Variants in SGCZ observed in about 807,000 individuals in gnomAD.
SGCZ encodes the protein zeta-sarcoglycan.
Under a neutral mutation model 41.3 loss-of-function variants are expected in SGCZ, and 40 were observed. The ratio of observed to expected loss-of-function variants is 0.97; its 90% CI spans 0.75 to 1.26. SGCZ has a LOEUF of 1.26. Among genes scored for constraint, SGCZ ranks in the 50% most tolerant of loss-of-function variants. The pLI is 0.00. For synonymous variants in SGCZ, 206 were observed against 137.5 expected (o/e 1.50, Z -3.49); for missense variants, 552 against 369.8 (o/e 1.49, Z -4.04).
At chr8:14,931,791 G>A (rs963146026) in intron 1 of SGCZ, among the ~76,000 whole-genome samples, 5 of 151,882 alleles carry the variant, frequency 3.3e-5, no homozygotes, top group Non-Finnish European at 4.4e-5. Flanking sequence ...ATGGAAATTC[G>A]TCAGTCAGCC....
intron 6 of SGCZ, among the ~76,000 whole-genome samples, chr8:14,106,201 A>G (rs1802197200): frequency 6.6e-6 from 1 of 152,234 alleles, no homozygotes; most frequent in Non-Finnish European, 1.5e-5. Flanking sequence ...TACAGCATTA[A>G]GGATAAACAA....
At chr8:14,793,918 ACT>A (rs1189437325) in intron 1 of SGCZ, among the ~76,000 whole-genome samples, 1 of 152,060 alleles carries the variant, frequency 6.6e-6, no homozygotes, top group African/African-American at 2.4e-5. Context: ...AAATTCTAAA[ACT>A]CTCAGTCTGG....
intron 1 of SGCZ, among the ~76,000 whole-genome samples, chr8:15,180,253 A>G (rs1224514036): frequency 6.6e-6 from 1 of 152,180 alleles, no homozygotes; most frequent in Non-Finnish European, 1.5e-5. Context: ...AGTGCTTCAA[A>G]TGTGTAGAAA....
rs968254413 is a variant in SGCZ at position 14,520,778 on chromosome 8, T to C, written c.234+33954A>G. ...TTCAAAAGGAATCTTATGCTAATTG[T>C]CACCTTCTTTGAACATTATCATTTA... On this transcript the variant is annotated intron_variant, in intron 2 of 7. Transcript: ENST00000382080. Among the ~76,000 whole-genome samples the C allele has an allele frequency of 3.3e-5, 5 of 152,248 alleles. No individual in the cohort carries two copies. The East Asian group carries it at 9.7e-4, about 29-fold the overall frequency.
chr8:14,188,346 G>A (rs1212576800), intron 4 of SGCZ, among the ~76,000 whole-genome samples: 1 of 152,132 alleles, frequency 6.6e-6, no homozygotes. Flanking sequence ...GATCCGTACA[G>A]TAAAGTTTTA....
intron 1 of SGCZ, among the ~76,000 whole-genome samples, chr8:14,876,061 C>T (rs1804346449): frequency 6.6e-6 from 1 of 152,130 alleles, no homozygotes; most frequent in African/African-American, 2.4e-5. Context: ...CAACTATTCC[C>T]ATCCCCCTGT....
At chr8:14,929,436 T>G (rs1234967032) in intron 1 of SGCZ, among the ~76,000 whole-genome samples, 1 of 151,924 alleles carries the variant, frequency 6.6e-6, no homozygotes, top group Admixed American at 6.5e-5. Context: ...CACCCAGATA[T>G]GTTGTTAGGA....
chr8:14,151,128 T>C (rs1182084407), intron 5 of SGCZ, among the ~76,000 whole-genome samples: 1 of 152,118 alleles, frequency 6.6e-6, no homozygotes, highest in Non-Finnish European at 1.5e-5. Flanking sequence ...AGGGTGACTA[T>C]AGTCAATAAT....
chr8:14,577,142 T>A (rs77630781), intron 1 of SGCZ, among the ~76,000 whole-genome samples: 4,224 of 152,266 alleles, frequency 0.028, 197 homozygotes, highest in African/African-American at 0.096. Context: ...TGCATTTGCA[T>A]TTGAGAAATA....
At chr8:15,227,460 G>A (rs1424031470) in intron 1 of SGCZ, among the ~76,000 whole-genome samples, 11 of 152,038 alleles carry the variant, frequency 7.2e-5, no homozygotes, top group Non-Finnish European at 1.0e-4. Flanking sequence ...TGAATCACAC[G>A]TCTTATAATG....
chr8:15,236,216 T>C (rs1405925280), intron 1 of SGCZ, among the ~76,000 whole-genome samples: 1 of 152,040 alleles, frequency 6.6e-6, no homozygotes, highest in Non-Finnish European at 1.5e-5. Flanking sequence ...AGGGCGATTC[T>C]GGCAGGCGCC....
At chr8:14,965,370 A>C (rs910530445) in intron 1 of SGCZ, among the ~76,000 whole-genome samples, 6 of 152,172 alleles carry the variant, frequency 3.9e-5, no homozygotes, top group African/African-American at 1.4e-4. Flanking sequence ...TGACTGGTGC[A>C]TATTTGAGAA....
At chr8:15,210,674 C>T (rs1375903783) in intron 1 of SGCZ, among the ~76,000 whole-genome samples, 1 of 152,036 alleles carries the variant, frequency 6.6e-6, no homozygotes, top group Admixed American at 6.6e-5. Flanking sequence ...CCAATACTCC[C>T]TCATGATCTT....
intron 1 of SGCZ, among the ~76,000 whole-genome samples, chr8:14,746,295 A>G (rs1348612053): frequency 1.3e-5 from 2 of 152,118 alleles, no homozygotes; most frequent in East Asian, 3.9e-4. Flanking sequence ...TTCACGTTCC[A>G]CATTGCGTAA....
At position 14,794,698 on chromosome 8, in the gene SGCZ, C is replaced by T. The variant is rs927900822; in HGVS notation, c.40-239772G>A. Among the ~76,000 whole-genome samples, 12 of 152,114 alleles carry T rather than the reference C, an allele frequency of 7.9e-5. No homozygotes were observed. The South Asian group carries it at 1.0e-3, about 13-fold the overall frequency. On this transcript the variant is annotated intron_variant, in intron 1 of 7. Transcript: ENST00000382080. The stretch of plus-strand genomic sequence containing the variant: ...TAGGGTCCAGACTGAAAAGTTCCAA[C>T]GCAAAGGATGAAAATAGGCTCACGA...
At chr8:14,939,153 G>A (rs1467682340) in intron 1 of SGCZ, among the ~76,000 whole-genome samples, 2 of 152,122 alleles carry the variant, frequency 1.3e-5, no homozygotes, top group Admixed American at 6.6e-5. Context: ...AATCTTGGAT[G>A]TGCTTAGCTG....
chr8:14,203,090 T>A (rs1020424564), intron 4 of SGCZ, among the ~76,000 whole-genome samples: 64 of 152,296 alleles, frequency 4.2e-4, no homozygotes, highest in African/African-American at 1.4e-3. Context: ...CCTTCCACCA[T>A]GATTGTGAGG....
chr8:14,729,507 G>C (rs1007078014), intron 1 of SGCZ, among the ~76,000 whole-genome samples: 3 of 152,170 alleles, frequency 2.0e-5, no homozygotes. Flanking sequence ...TAAAGAGGAA[G>C]AGACATCAGG....
At chr8:14,770,185 A>G (rs983191188) in intron 1 of SGCZ, among the ~76,000 whole-genome samples, 6 of 150,968 alleles carry the variant, frequency 4.0e-5, no homozygotes, top group African/African-American at 1.5e-4. Context: ...TGTTTTTGAG[A>G]TATTCATTAC....
Sources: allele counts gnomAD v4.1 joint callset (sites outside exome capture counted in the v4.1 genomes callset), GRCh38; gene constraint gnomAD v4.1.1; transcripts MANE v1.5; gene names NCBI Gene and HGNC (gene_info 2026-07-23, HGNC 2026-07-21).